SGMS1: variants seen among roughly 807,000 people sequenced by gnomAD.
The protein encoded by SGMS1 is phosphatidylcholine:ceramide cholinephosphotransferase 1.
SGMS1 carries 13 observed loss-of-function variants against 46.2 expected under a neutral mutation model. The observed-to-expected ratio is 0.28, with a 90% CI of 0.18 to 0.45. SGMS1 has a LOEUF of 0.45. SGMS1 is among the 20% of genes least tolerant of loss of function. SGMS1 has a pLI of 1.00. For missense variants in SGMS1, 324 were observed against 519.9 expected, an observed-to-expected ratio of 0.62 and a Z score of 3.66; for synonymous variants, 203 against 187.8, an observed-to-expected ratio of 1.08 and a Z score of -0.66.
intron 2 of SGMS1, among the ~76,000 whole-genome samples, chr10:50,551,006 A>G (rs1838144468): frequency 6.6e-6 from 1 of 152,198 alleles, no homozygotes; most frequent in African/African-American, 2.4e-5. Context: ...AATTCAAAGT[A>G]ATTTATGTAG....
At chr10:50,405,220 A>G (rs1295468461) in intron 6 of SGMS1, among the ~76,000 whole-genome samples, 1 of 152,218 alleles carries the variant, frequency 6.6e-6, no homozygotes, top group Non-Finnish European at 1.5e-5. Context: ...TCCTCAACAA[A>G]ACCTAATTAA....
At chr10:50,411,641 T>G (rs1564906122) in intron 6 of SGMS1, among the ~76,000 whole-genome samples, 1 of 152,248 alleles carries the variant, frequency 6.6e-6, no homozygotes, top group Non-Finnish European at 1.5e-5. Flanking sequence ...AGAATTGTGG[T>G]CACTGGTTCC....
chr10:50,494,717 A>G (rs1837595821), intron 3 of SGMS1, among the ~76,000 whole-genome samples: 1 of 152,166 alleles, frequency 6.6e-6, no homozygotes, highest in Non-Finnish European at 1.5e-5. Flanking sequence ...TCTGTTCAAC[A>G]AACTCCCATG....
chr10:50,526,754 A>G (rs1464898168), intron 2 of SGMS1, among the ~76,000 whole-genome samples: 2 of 152,132 alleles, frequency 1.3e-5, no homozygotes, highest in African/African-American at 4.8e-5. Flanking sequence ...CAATGAGAGT[A>G]ATATAACTTC....
Position 50,307,804 on chromosome 10 carries a change from A to G in SGMS1, c.1062+178T>C, listed in dbSNP as rs1368731029. ...TAATTCCTCACATCATTATATTAAT[A>G]AACTTTTTATTCTTAATTCTGAAGA... On this transcript the variant is annotated intron_variant, in intron 10 of 10. Transcript: ENST00000361781. This position sits in a 1 kb window ranked among gnomAD's most constrained non-coding sequence, Gnocchi z 4.2. Among the ~76,000 whole-genome samples, 3 of 152,208 alleles carry G rather than the reference A, an allele frequency of 2.0e-5. No homozygotes were observed. Among genetic ancestry groups the G allele is most frequent in the Non-Finnish European group, 2.9e-5 (2 of 68,042 alleles).
chr10:50,596,489 T>A (rs529844062), intron 1 of SGMS1, among the ~76,000 whole-genome samples: 43 of 152,364 alleles, frequency 2.8e-4, no homozygotes, highest in Non-Finnish European at 3.5e-4. Context: ...AATTTCTTTT[T>A]TACTAATATG....
intron 2 of SGMS1, among the ~76,000 whole-genome samples, chr10:50,566,558 T>A (rs1008495271): frequency 5.9e-5 from 9 of 152,274 alleles, no homozygotes; most frequent in Non-Finnish European, 2.9e-5. Context: ...GACTACTTTA[T>A]GCAAACACTA....
chr10:50,459,414 T>C (rs539433132), intron 5 of SGMS1, among the ~76,000 whole-genome samples: 46 of 152,328 alleles, frequency 3.0e-4, no homozygotes, highest in Admixed American at 9.1e-4. Context: ...AATAAGAATT[T>C]TTTTTTTAGA....
intron 8 of SGMS1, among the ~76,000 whole-genome samples, chr10:50,321,994 A>C (rs1272288488): frequency 1.3e-5 from 2 of 152,232 alleles, no homozygotes; most frequent in African/African-American, 4.8e-5. Flanking sequence ...GGCAGAGAAG[A>C]ATATGAAGGC....
At chr10:50,623,292 G>T (rs2131953248) in intron 1 of SGMS1, among the ~76,000 whole-genome samples, 1 of 152,254 alleles carries the variant, frequency 6.6e-6, no homozygotes, top group South Asian at 2.1e-4. Context: ...GCCCCTGGGT[G>T]GGGGTCTCCG....
intron 5 of SGMS1, among the ~76,000 whole-genome samples, chr10:50,453,587 G>A (rs944546273): frequency 6.7e-6 from 1 of 150,344 alleles, no homozygotes; most frequent in Non-Finnish European, 1.5e-5. Context: ...ATGAAAGAAG[G>A]ATGTGGAAAA....
chr10:50,567,351 G>T (rs1838297914), intron 2 of SGMS1, among the ~76,000 whole-genome samples: 2 of 152,194 alleles, frequency 1.3e-5, no homozygotes, highest in African/African-American at 4.8e-5. Flanking sequence ...CCACAGATAT[G>T]AAGGGCTGAC....
chr10:50,388,883 G>A (rs560823917), intron 6 of SGMS1, among the ~76,000 whole-genome samples: 28 of 152,218 alleles, frequency 1.8e-4, no homozygotes, highest in African/African-American at 6.5e-4. Flanking sequence ...TAAGATTTTG[G>A]ATGTCATCTA....
chr10:50,547,890 A>G (rs924293225), intron 2 of SGMS1, among the ~76,000 whole-genome samples: 2 of 152,216 alleles, frequency 1.3e-5, no homozygotes, highest in Non-Finnish European at 2.9e-5. Context: ...GGTTCAACAT[A>G]TGCAAATCAA....
intron 1 of SGMS1, among the ~76,000 whole-genome samples, chr10:50,618,628 A>T (rs143390883): frequency 8.9e-4 from 136 of 152,338 alleles, no homozygotes; most frequent in Admixed American, 7.4e-3. Context: ...AAGTTGGTTA[A>T]TAACAAATTT....
At chr10:50,324,744 T>A (rs553414268) in intron 8 of SGMS1, among the ~76,000 whole-genome samples, 4 of 152,184 alleles carry the variant, frequency 2.6e-5, no homozygotes, top group Admixed American at 6.5e-5. Context: ...CAACTTTCTA[T>A]TCAGAGGAAA....
chr10:50,534,135 C>T (rs1167573011), intron 2 of SGMS1, among the ~76,000 whole-genome samples: 2 of 152,154 alleles, frequency 1.3e-5, no homozygotes, highest in Non-Finnish European at 2.9e-5. Flanking sequence ...TGCACACACA[C>T]ATTTAAGTAT....
At chr10:50,624,210 G>A (rs1204408395), upstream of SGMS1, 2 of 757,602 alleles carry the variant, frequency 2.6e-6, no homozygotes, top group Middle Eastern at 6.6e-4. Context: ...ACTAAGTAAG[G>A]CCTAGCGGGA....
At chr10:50,481,323 G>A (rs1455379006) in intron 3 of SGMS1, among the ~76,000 whole-genome samples, 3 of 152,164 alleles carry the variant, frequency 2.0e-5, no homozygotes, top group Non-Finnish European at 4.4e-5. Flanking sequence ...AGAGCTCCCA[G>A]AGGAAAAACC....
Sources: gnomAD v4.1 joint callset for allele counts (sites outside exome capture counted in the v4.1 genomes callset) on GRCh38, gnomAD v4.1.1 for gene constraint, Gnocchi (gnomAD v3.1) non-coding constraint, MANE v1.5 for transcripts, NCBI Gene and HGNC (gene_info 2026-07-23, HGNC 2026-07-21) for gene names.